Variants in DCT observed in about 807,000 individuals in gnomAD.
DCT encodes the protein dopachrome tautomerase.
In DCT, 47 loss-of-function variants were observed where a neutral mutation model predicts 53.0. That is an observed-to-expected ratio of 0.89 (90% CI 0.70 to 1.13). The LOEUF is 1.13. Among genes scored for constraint, DCT ranks in the 50% most tolerant of loss-of-function variants. The pLI is 0.00. For missense variants in DCT, 669 were observed against 637.4 expected, an observed-to-expected ratio of 1.05 and a Z score of -0.53; for synonymous variants, 244 against 237.0, an observed-to-expected ratio of 1.03 and a Z score of -0.27.
the DCT span, among the ~76,000 whole-genome samples, chr13:94,511,780 G>T: frequency 3.9e-5 from 6 of 151,912 alleles, no homozygotes; most frequent in East Asian, 1.9e-4. Context: ...CATACCATAG[G>T]TGTGTTGTCT....
At chr13:94,458,802 C>A (rs914376796) in intron 6 of DCT, among the ~76,000 whole-genome samples, 1 of 151,900 alleles carries the variant, frequency 6.6e-6, no homozygotes, top group Admixed American at 6.6e-5. Flanking sequence ...ACTCTGTCTC[C>A]AAAAACAAAC....
the DCT span, among the ~76,000 whole-genome samples, chr13:94,525,686 T>C: frequency 6.6e-6 from 1 of 152,328 alleles, no homozygotes; most frequent in Admixed American, 6.5e-5. Flanking sequence ...GAAAAGATTT[T>C]CTTTTAATGA....
At chr13:94,545,580 A>G in the DCT span, among the ~76,000 whole-genome samples, 15 of 152,094 alleles carry the variant, frequency 9.9e-5, no homozygotes, top group East Asian at 2.9e-3. Flanking sequence ...AGCTTCCCAG[A>G]CCAACAGCCT....
the DCT span, among the ~76,000 whole-genome samples, chr13:94,525,571 C>T: frequency 2.0e-5 from 3 of 152,196 alleles, no homozygotes; most frequent in East Asian, 5.8e-4. Flanking sequence ...GCGGCCTAAT[C>T]ACAGCGAGAG....
intron 1 of DCT, among the ~76,000 whole-genome samples, chr13:94,470,967 C>T (rs779173347): frequency 7.9e-5 from 12 of 152,178 alleles, no homozygotes; most frequent in Admixed American, 3.3e-4. Context: ...ACAGAAGTAT[C>T]GAGCATGTAG....
chr13:94,514,655 G>T, the DCT span, among the ~76,000 whole-genome samples: 1 of 152,182 alleles, frequency 6.6e-6, no homozygotes, highest in Non-Finnish European at 1.5e-5. Context: ...AGGAAGAAAG[G>T]CAGGGATGTG....
At chr13:94,452,674 T>C in intron 6 of DCT, 1 of 749,042 alleles carries the variant, frequency 1.3e-6, no homozygotes, top group Non-Finnish European at 2.5e-6. Flanking sequence ...TAAATGTCCA[T>C]CAACAGAAAA....
intron 1 of DCT, among the ~76,000 whole-genome samples, chr13:94,475,779 A>G (rs910364004): frequency 2.6e-5 from 4 of 152,264 alleles, no homozygotes; most frequent in African/African-American, 7.2e-5. Context: ...ACACAACTGT[A>G]TAGGTATGTC....
chr13:94,445,188 C>G (rs1481834616), intron 6 of DCT, among the ~76,000 whole-genome samples: 2 of 152,234 alleles, frequency 1.3e-5, no homozygotes, highest in African/African-American at 2.4e-5. Flanking sequence ...ACATGCTTTT[C>G]TAGAATCTTG....
At chr13:94,519,666 G>T in the DCT span, among the ~76,000 whole-genome samples, 2 of 152,188 alleles carry the variant, frequency 1.3e-5, no homozygotes, top group African/African-American at 2.4e-5. Flanking sequence ...CTACACATTG[G>T]TAGGGACTGC....
chr13:94,513,705 C>T, the DCT span, among the ~76,000 whole-genome samples: 7 of 151,926 alleles, frequency 4.6e-5, no homozygotes, highest in African/African-American at 1.4e-4. Context: ...AGATAGATAC[C>T]GCTGGGCACG....
At chr13:94,472,142 G>T (rs1884683923) in intron 1 of DCT, among the ~76,000 whole-genome samples, 1 of 152,080 alleles carries the variant, frequency 6.6e-6, no homozygotes, top group South Asian at 2.1e-4. Context: ...CATAACTTAT[G>T]CCATGAATTT....
chr13:94,473,442 C>T (rs559168443), intron 1 of DCT, among the ~76,000 whole-genome samples: 12 of 152,278 alleles, frequency 7.9e-5, no homozygotes, highest in African/African-American at 2.2e-4. Flanking sequence ...ACAGTATTTT[C>T]AACTTATGAT....
intron 4 of DCT, among the ~76,000 whole-genome samples, chr13:94,465,060 A>G (rs1324063694): frequency 6.6e-6 from 1 of 152,040 alleles, no homozygotes. Context: ...TCTCAGAGCC[A>G]TCATCTCTGC....
chr13:94,444,280 A>C (rs1882568217), intron 6 of DCT: 1 of 337,560 alleles, frequency 3.0e-6, no homozygotes, highest in South Asian at 2.5e-5. Flanking sequence ...AATCCCAAAC[A>C]CTTCTGGTCC....
chr13:94,493,784 G>T, the DCT span, among the ~76,000 whole-genome samples: 1 of 152,142 alleles, frequency 6.6e-6, no homozygotes, highest in South Asian at 2.1e-4. Flanking sequence ...GGTTTTTAGG[G>T]CAGTGAAACT....
chr13:94,477,201 T>C (rs1160959728), intron 1 of DCT, among the ~76,000 whole-genome samples: 1 of 152,134 alleles, frequency 6.6e-6, no homozygotes. Context: ...GTTCAAGAGA[T>C]TCTCCTGTCT....
chr13:94,498,697 C>T, the DCT span, among the ~76,000 whole-genome samples: 13 of 152,204 alleles, frequency 8.5e-5, no homozygotes, highest in Admixed American at 2.6e-4. Flanking sequence ...AGAGGTGAAG[C>T]CAACTGGACT....
chr13:94,527,437 G>A, the DCT span, among the ~76,000 whole-genome samples: 10 of 152,150 alleles, frequency 6.6e-5, no homozygotes, highest in African/African-American at 2.4e-4. Flanking sequence ...CCAGAGGAAG[G>A]ATCAGGCAGC....
Sources: gnomAD v4.1 joint callset for allele counts (sites outside exome capture counted in the v4.1 genomes callset) on GRCh38, gnomAD v4.1.1 for gene constraint, MANE v1.5 for transcripts, NCBI Gene and HGNC (gene_info 2026-07-23, HGNC 2026-07-21) for gene names.